Variants in CNTNAP5 observed in about 807,000 individuals in gnomAD.
The protein encoded by CNTNAP5 is contactin-associated protein-like 5.
A neutral mutation model predicts 150.2 loss-of-function variants in CNTNAP5; 72 were observed. That is an observed-to-expected ratio of 0.48 (90% CI 0.40 to 0.58). The LOEUF (loss-of-function observed/expected upper bound fraction) is 0.58, where lower values mean the gene tolerates loss of function less well. Among genes scored for constraint, CNTNAP5 ranks in the 20% least tolerant of loss-of-function variants. The probability of loss-of-function intolerance (pLI) is 0.00; values close to 1 mark genes in which losing one functional copy is unlikely to be tolerated. For missense variants in CNTNAP5, 1,636 were observed against 1,626.2 expected, an observed-to-expected ratio of 1.01 and a Z score of -0.10; for synonymous variants, 672 against 619.8, an observed-to-expected ratio of 1.08 and a Z score of -1.25.
At chr2:124,122,007 C>A (rs1318404329) in intron 1 of CNTNAP5, among the ~76,000 whole-genome samples, 1 of 152,174 alleles carries the variant, frequency 6.6e-6, no homozygotes, top group East Asian at 1.9e-4. Flanking sequence ...AAGCATTCTA[C>A]TGGAGGTTTC....
chr2:124,623,638 G>A (rs1237433486), intron 12 of CNTNAP5, among the ~76,000 whole-genome samples: 1 of 152,214 alleles, frequency 6.6e-6, no homozygotes, highest in East Asian at 1.9e-4. Context: ...GAAAGTGACA[G>A]TCACAGAGAA....
chr2:124,157,977 T>C (rs1684584347), intron 1 of CNTNAP5, among the ~76,000 whole-genome samples: 2 of 152,200 alleles, frequency 1.3e-5, no homozygotes, highest in South Asian at 4.1e-4. Context: ...TTTATTCTAT[T>C]GGACAGCCAT....
chr2:124,887,103 A>C (rs1399320043), intron 21 of CNTNAP5, among the ~76,000 whole-genome samples: 1 of 151,984 alleles, frequency 6.6e-6, no homozygotes, highest in Non-Finnish European at 1.5e-5. Context: ...GGACCCTGAA[A>C]TCTTTTTGAC....
At chr2:124,570,862 TGGA>T (rs974187116) in intron 11 of CNTNAP5, among the ~76,000 whole-genome samples, 9 of 152,096 alleles carry the variant, frequency 5.9e-5, no homozygotes, top group Non-Finnish European at 1.2e-4. Flanking sequence ...ACCTCATGGA[TGGA>T]GAATGGAGTG....
At chr2:124,456,527 C>T (rs1052311969) in intron 6 of CNTNAP5, among the ~76,000 whole-genome samples, 1 of 152,096 alleles carries the variant, frequency 6.6e-6, no homozygotes, top group Non-Finnish European at 1.5e-5. Flanking sequence ...CACTCCTCAT[C>T]AAAATACCAC....
At chr2:124,727,218 T>A (rs2105122990) in intron 13 of CNTNAP5, among the ~76,000 whole-genome samples, 1 of 152,204 alleles carries the variant, frequency 6.6e-6, no homozygotes, top group South Asian at 2.1e-4. Flanking sequence ...GATAGTACCA[T>A]ATTATTATGA....
intron 13 of CNTNAP5, among the ~76,000 whole-genome samples, chr2:124,689,116 A>G (rs980129845): frequency 6.6e-6 from 1 of 152,024 alleles, no homozygotes. Flanking sequence ...TACTGTTTCT[A>G]CTTTGCATGC....
chr2:124,365,679 A>C (rs945704687), intron 3 of CNTNAP5, among the ~76,000 whole-genome samples: 5 of 152,158 alleles, frequency 3.3e-5, no homozygotes, highest in Non-Finnish European at 5.9e-5. Flanking sequence ...TTTCCTGGGA[A>C]AGTTCTTCCT....
intron 13 of CNTNAP5, among the ~76,000 whole-genome samples, chr2:124,657,874 T>G (rs1415009349): frequency 6.6e-6 from 1 of 152,238 alleles, no homozygotes; most frequent in African/African-American, 2.4e-5. Context: ...ACAACTAAAG[T>G]ATTCACTTCA....
Position 124,914,568 on chromosome 2 carries a change from C to A in CNTNAP5, c.*280C>A. ...GACAAGGAAGAGACACATGTGTGCA[C>A]TCCTGCATGTTCAGTTCTGTACTTC... is the stretch of plus-strand genomic sequence containing the variant. On this transcript the variant is annotated 3_prime_UTR_variant, in exon 24 of 24. Transcript: ENST00000682447. 2.8e-6 allele frequency: 1 copy of A among 358,448 alleles called. No homozygotes were observed. The highest frequency in any genetic ancestry group is 5.2e-6 in the Non-Finnish European group (1 of 192,704). 22.2% of individuals were successfully genotyped at this position (358,448 alleles called of 1,614,324 possible).
chr2:124,311,760 C>T (rs1688837213), intron 3 of CNTNAP5, among the ~76,000 whole-genome samples: 1 of 152,160 alleles, frequency 6.6e-6, no homozygotes, highest in South Asian at 2.1e-4. Context: ...CTCAGTGAAA[C>T]TTTGCTAATA....
rs1678015383 is a variant in CNTNAP5 at position 124,638,281 on chromosome 2, A to G, written c.1877-9477A>G. Among the ~76,000 whole-genome samples, 2 of 148,394 alleles carry G rather than the reference A, an allele frequency of 1.3e-5. 1 individual carries two copies. Among genetic ancestry groups the G allele is most frequent in the Admixed American group, 1.4e-4 (2 of 14,684 alleles). ...GAGACCTTGTTTCAGCAATGTCAGT[A>G]TATTTACCCATTTGCTCCATTCTGC... On this transcript the variant is annotated intron_variant, in intron 12 of 23. Transcript: ENST00000682447.
At chr2:124,232,082 C>A (rs1458395131) in intron 2 of CNTNAP5, among the ~76,000 whole-genome samples, 10 of 152,066 alleles carry the variant, frequency 6.6e-5, no homozygotes, top group Non-Finnish European at 1.3e-4. Flanking sequence ...CCATGAAATG[C>A]AGTAAACCAT....
intron 18 of CNTNAP5, among the ~76,000 whole-genome samples, chr2:124,795,321 C>A (rs924687837): frequency 1.3e-5 from 2 of 152,118 alleles, no homozygotes; most frequent in African/African-American, 4.8e-5. Flanking sequence ...CAGTACCATC[C>A]CATTTCCAGC....
intron 1 of CNTNAP5, among the ~76,000 whole-genome samples, chr2:124,108,122 G>A (rs963610612): frequency 6.6e-6 from 1 of 152,204 alleles, no homozygotes; most frequent in African/African-American, 2.4e-5. Flanking sequence ...CTGCACCTGT[G>A]AAGATTAGCT....
intron 3 of CNTNAP5, among the ~76,000 whole-genome samples, chr2:124,282,620 C>CT (rs776391686): frequency 0.17 from 25,166 of 144,092 alleles, 2,087 homozygotes; most frequent in Non-Finnish European, 0.2. Context: ...AGGTGAAGGA[C>CT]TTTTTTTTTT....
chr2:124,619,656 GC>G (rs1677567133), intron 12 of CNTNAP5, among the ~76,000 whole-genome samples: 1 of 151,562 alleles, frequency 6.6e-6, no homozygotes, highest in South Asian at 2.1e-4. Context: ...TCAGTTGAAG[GC>G]CTTAATAGAA....
intron 3 of CNTNAP5, among the ~76,000 whole-genome samples, chr2:124,339,465 C>A (rs1209544111): frequency 6.6e-6 from 1 of 152,062 alleles, no homozygotes; most frequent in African/African-American, 2.4e-5. Flanking sequence ...AGTGTAATAT[C>A]ACAGAATAAT....
chr2:124,425,615 G>A (rs1692220103), intron 4 of CNTNAP5, among the ~76,000 whole-genome samples: 1 of 152,080 alleles, frequency 6.6e-6, no homozygotes, highest in Non-Finnish European at 1.5e-5. Flanking sequence ...GTGACCATAT[G>A]TCCCAGCTTG....
Sources: gnomAD v4.1 joint callset for allele counts (sites outside exome capture counted in the v4.1 genomes callset) on GRCh38, gnomAD v4.1.1 for gene constraint, MANE v1.5 for transcripts, NCBI Gene and HGNC (gene_info 2026-07-23, HGNC 2026-07-21) for gene names.